LTBP1: variants seen among roughly 807,000 people sequenced by gnomAD.
LTBP1 encodes latent-transforming growth factor beta-binding protein 1.
LTBP1 carries 129 observed loss-of-function variants against 207.6 expected under a neutral mutation model. The observed-to-expected ratio is 0.62, with a 90% CI of 0.54 to 0.72. The LOEUF (loss-of-function observed/expected upper bound fraction) is 0.72. LTBP1 is among the 30% of genes least tolerant of loss of function. The pLI is 0.00. For synonymous variants in LTBP1, 963 were observed against 833.7 expected (o/e 1.16, Z -2.67); for missense variants, 2,281 against 2,217.2 (o/e 1.03, Z -0.58).
chr2:33,395,691 A>G (rs995800924), intron 32 of LTBP1, among the ~76,000 whole-genome samples: 1 of 146,696 alleles, frequency 6.8e-6, no homozygotes, highest in African/African-American at 2.6e-5. Flanking sequence ...AGAAGTAACA[A>G]GTAAGTCTTT....
chr2:33,370,666 A>T (rs1195851614), intron 31 of LTBP1, among the ~76,000 whole-genome samples: 1 of 152,232 alleles, frequency 6.6e-6, no homozygotes, highest in Non-Finnish European at 1.5e-5. Context: ...AACCTTTTAA[A>T]TATACTGTTC....
At chr2:33,040,926 G>A (rs180863773) in intron 3 of LTBP1, among the ~76,000 whole-genome samples, 1 of 152,218 alleles carries the variant, frequency 6.6e-6, no homozygotes, top group Non-Finnish European at 1.5e-5. Flanking sequence ...TATGGAAGAA[G>A]TCTGACAATT....
Position 33,315,251 on chromosome 2 carries a change from G to T in LTBP1, c.3712G>T (p.Asp1238Tyr). The change falls in exon 24 of 34, where the codon GAT becomes TAT. Residue 1238 changes from aspartate to tyrosine, a missense_variant. By Grantham distance (160) the Asp-to-Tyr change is radical. Around this residue, in one of 3 missense-constraint regions of LTBP1, gnomAD observed 1,671 missense variants for 1,634.8 expected, o/e 1.02. Coordinates refer to ENST00000404816, the MANE Select transcript of LTBP1 (RefSeq NM_206943.4). ...VCQQGFSISA[D>Y]GRTCEDIDEC... Reference sequence around the variant, plus strand: ...CCAGCAGGGTTTCTCAATCTCTGCAGATGGCCGTACGTGTGAAGGTAAGAT... The same window carrying T: ...CCAGCAGGGTTTCTCAATCTCTGCATATGGCCGTACGTGTGAAGGTAAGAT... 3.1e-6 allele frequency: 5 copies of T among 1,613,112 alleles called. No individual in the cohort carries two copies. Among genetic ancestry groups the T allele is most frequent in the Non-Finnish European group, 3.4e-6 (4 of 1,179,824 alleles).
intron 1 of LTBP1, among the ~76,000 whole-genome samples, chr2:32,948,303 C>T (rs1196740594): frequency 1.3e-5 from 2 of 152,174 alleles, no homozygotes; most frequent in Non-Finnish European, 2.9e-5. Flanking sequence ...GCTTGGACTT[C>T]GCTGCACCTG....
At chr2:33,346,854 C>T (rs1305869543) in intron 25 of LTBP1, among the ~76,000 whole-genome samples, 2 of 152,038 alleles carry the variant, frequency 1.3e-5, no homozygotes, top group East Asian at 1.9e-4. Flanking sequence ...CAGTGGCTCG[C>T]GCCTGTAATC....
intron 7 of LTBP1, among the ~76,000 whole-genome samples, chr2:33,195,615 A>C (rs1332631952): frequency 6.6e-6 from 1 of 152,212 alleles, no homozygotes; most frequent in East Asian, 1.9e-4. Context: ...AAGTGCTTTC[A>C]TGAGATGAAA....
intron 2 of LTBP1, among the ~76,000 whole-genome samples, chr2:33,013,304 T>C (rs753280224): frequency 3.3e-5 from 5 of 152,164 alleles, no homozygotes; most frequent in Non-Finnish European, 7.4e-5. Context: ...TCATCTCTTT[T>C]GATGACTTTG....
intron 3 of LTBP1, among the ~76,000 whole-genome samples, chr2:33,042,076 G>A (rs2076214488): frequency 6.6e-6 from 1 of 152,138 alleles, no homozygotes; most frequent in South Asian, 2.1e-4. Context: ...GGCTTTTAAT[G>A]TGAATTTTTC....
intron 5 of LTBP1, among the ~76,000 whole-genome samples, chr2:33,181,638 C>G (rs1348622327): frequency 1.3e-5 from 2 of 152,224 alleles, no homozygotes; most frequent in Non-Finnish European, 2.9e-5. Flanking sequence ...ATGGTGATGA[C>G]CAGCAAAGTA....
At chr2:33,211,503 C>G (rs757480457) in intron 7 of LTBP1, among the ~76,000 whole-genome samples, 1 of 152,174 alleles carries the variant, frequency 6.6e-6, no homozygotes. Context: ...ATTACTGGCT[C>G]AGAGAGGTTG....
intron 24 of LTBP1, among the ~76,000 whole-genome samples, chr2:33,342,618 G>GT (rs952164896): frequency 1.3e-5 from 2 of 152,078 alleles, no homozygotes; most frequent in Non-Finnish European, 2.9e-5. Flanking sequence ...AGTACTAAAT[G>GT]TTTTTTTCAT....
intron 2 of LTBP1, among the ~76,000 whole-genome samples, chr2:32,983,740 A>T (rs1430901592): frequency 1.3e-5 from 2 of 152,126 alleles, no homozygotes; most frequent in Admixed American, 1.3e-4. Flanking sequence ...CGCCATGTAA[A>T]ATGTGCCTTT....
intron 2 of LTBP1, among the ~76,000 whole-genome samples, chr2:32,984,383 AG>A (rs2148766238): frequency 6.6e-6 from 1 of 152,320 alleles, no homozygotes; most frequent in South Asian, 2.1e-4. Flanking sequence ...ATGGCTTTAA[AG>A]GGCCATCTGA....
chr2:33,216,551 A>G (rs1372218111), intron 7 of LTBP1, among the ~76,000 whole-genome samples: 2 of 152,084 alleles, frequency 1.3e-5, no homozygotes, highest in Non-Finnish European at 2.9e-5. Context: ...CGGTAATGTG[A>G]CCAGATTTGT....
chr2:33,176,917 C>T (rs917116821), intron 5 of LTBP1, among the ~76,000 whole-genome samples: 13 of 152,144 alleles, frequency 8.5e-5, no homozygotes, highest in African/African-American at 2.9e-4. Context: ...GGATGGCTAA[C>T]GTTTGCTGAG....
At position 32,947,124 on chromosome 2, in the gene LTBP1, T is replaced by G. The variant is rs1329579858; in HGVS notation, c.-201T>G. On this transcript the variant is annotated 5_prime_UTR_variant, in exon 1 of 34. Coordinates refer to ENST00000404816, the MANE Select transcript of LTBP1 (RefSeq NM_206943.4). Reference sequence around the variant, plus strand: ...CCCCACCCCCACGCCCTCCTCCTGCTCCCAGCCACAATCGGCCGGGGTCTG... The same window carrying G: ...CCCCACCCCCACGCCCTCCTCCTGCGCCCAGCCACAATCGGCCGGGGTCTG... 2 of 352,012 alleles carry G rather than the reference T, an allele frequency of 5.7e-6. No individual in the cohort carries two copies. The highest frequency in any genetic ancestry group is 4.3e-5 in the African/African-American group (2 of 46,314). 21.8% of individuals were successfully genotyped at this position (352,012 alleles called of 1,614,324 possible).
At chr2:33,254,312 A>T (rs185052341) in intron 11 of LTBP1, among the ~76,000 whole-genome samples, 70 of 152,004 alleles carry the variant, frequency 4.6e-4, no homozygotes, top group African/African-American at 9.4e-4. Flanking sequence ...TAATTTTTTT[A>T]AATTTTTTAA....
At chr2:33,259,678 A>G (rs532718512) in intron 13 of LTBP1, 68 bp downstream of exon 13, 32 of 1,466,562 alleles carry the variant, frequency 2.2e-5, no homozygotes, top group Middle Eastern at 3.6e-4. Context: ...TAGAATATGT[A>G]TGGATTTTTT....
At chr2:33,052,915 C>T (rs1572398313) in intron 3 of LTBP1, among the ~76,000 whole-genome samples, 1 of 152,074 alleles carries the variant, frequency 6.6e-6, no homozygotes, top group Admixed American at 6.5e-5. Flanking sequence ...ACTCTTGTCA[C>T]CCAGGCTGGA....
Sources: allele counts gnomAD v4.1 joint callset (sites outside exome capture counted in the v4.1 genomes callset), GRCh38; gene constraint gnomAD v4.1.1; regional missense constraint gnomAD v4.1.1; transcripts MANE v1.5; gene names NCBI Gene and HGNC (gene_info 2026-07-23, HGNC 2026-07-21).